Variants in ERAP1 observed in about 807,000 individuals in gnomAD.
ERAP1 encodes endoplasmic reticulum aminopeptidase 1, also known as adipocyte-derived leucine aminopeptidase.
ERAP1 carries 86 observed loss-of-function variants against 103.7 expected under a neutral mutation model. That is an observed-to-expected ratio of 0.83 (90% CI 0.70 to 0.99). ERAP1 has a LOEUF of 0.99. ERAP1 is among the 50% of genes least tolerant of loss of function. The pLI is 0.00. For missense variants in ERAP1, 1,009 were observed against 1,128.4 expected, an observed-to-expected ratio of 0.89 and a Z score of 1.52; for synonymous variants, 398 against 402.4, an observed-to-expected ratio of 0.99 and a Z score of 0.13.
chr5:96,767,506 C>A, intron 19 of ERAP1: 2 of 1,601,960 alleles, frequency 1.2e-6, no homozygotes, highest in Non-Finnish European at 1.7e-6. Context: ...GAACATATTT[C>A]CATTAAATTT....
At chr5:96,911,866 C>CAAAAAAAAAAA in the ERAP1 span, among the ~76,000 whole-genome samples, 1,746 of 54,252 alleles carry the variant, frequency 0.032, 27 homozygotes, top group Non-Finnish European at 0.046. Context: ...GACCCTGTCT[C>CAAAAAAAAAAA]AAAAAAAAAA....
chr5:96,799,420 A>C (rs1777742154), intron 3 of ERAP1, among the ~76,000 whole-genome samples: 1 of 152,202 alleles, frequency 6.6e-6, no homozygotes, highest in Admixed American at 6.5e-5. Context: ...CCAAAGGGAC[A>C]ACATTGCATT....
the ERAP1 span, among the ~76,000 whole-genome samples, chr5:96,888,511 CAGTG>C: frequency 6.6e-6 from 1 of 152,220 alleles, no homozygotes; most frequent in Non-Finnish European, 1.5e-5. Context: ...GCATTCAGCA[CAGTG>C]CCTGGTAAAC....
chr5:96,762,439 C>T lies in ERAP1; in HGVS notation c.*761G>A, dbSNP rs2290678. 812 of 1,176,556 alleles carry T rather than the reference C, an allele frequency of 6.9e-4. 8 individuals are homozygous for T. In the East Asian group the frequency reaches 0.019, roughly 28 times the overall value. The allele number at this position is 1,176,556 out of a possible 1,614,324, so 72.9% of individuals were successfully genotyped here. A position where few individuals can be genotyped will look rare whatever the true frequency, so the allele number is the denominator to read the frequency against. On this transcript the variant is annotated 3_prime_UTR_variant, in exon 20 of 20. Transcript: ENST00000296754. ...AGCCACAACTAGAAAGAAAATAGGG[C>T]GCCTGTTTAAAGCAAATGAAAATAG...
rs908715666 is a variant in ERAP1 at position 96,764,476 on chromosome 5, A to G, written c.2819-1248T>C. Among the ~76,000 whole-genome samples, 5 of 152,194 alleles carry G rather than the reference A, an allele frequency of 3.3e-5. No individual in the cohort carries two copies. The East Asian group carries it at 9.6e-4, about 29-fold the overall frequency. ...CTCCCATTTCTGCAATTTCACTTCC[A>G]TGAGCTTCCTGAAGATGAAAAGAGA... On this transcript the variant is annotated intron_variant, in intron 19 of 19. Coordinates refer to the ERAP1 transcript ENST00000296754.
the ERAP1 span, chr5:96,883,826 G>A: frequency 6.2e-7 from 1 of 1,613,088 alleles, no homozygotes; most frequent in Non-Finnish European, 8.5e-7. Flanking sequence ...GCCAACCCAG[G>A]CACGCATGGC....
the ERAP1 span, among the ~76,000 whole-genome samples, chr5:96,891,212 C>CT: frequency 1.3e-5 from 2 of 152,038 alleles, no homozygotes; most frequent in Admixed American, 6.5e-5. Flanking sequence ...AAAAAATTAT[C>CT]TTTTTTTCCA....
chr5:96,801,121 T>G, intron 2 of ERAP1, 121 bp from the exon 3 acceptor site: 2 of 1,125,844 alleles, frequency 1.8e-6, no homozygotes, highest in Middle Eastern at 2.9e-4. Flanking sequence ...CTAAAAAATA[T>G]TTCATCTGAC....
chr5:96,856,349 A>AAAAAAATATATATATATATAT, the ERAP1 span, among the ~76,000 whole-genome samples: 1 of 8,536 alleles, frequency 1.2e-4, no homozygotes. Context: ...AAAAAAAAAA[A>AAAAAAATATATATATATATAT]ATATATATAT....
At chr5:96,813,994 T>C in the ERAP1 span, 9 of 178,116 alleles carry the variant, frequency 5.1e-5, no homozygotes, top group Non-Finnish European at 1.1e-4. Context: ...TTTTATTAGT[T>C]ATCTATTATT....
chr5:96,905,551 T>C, the ERAP1 span, among the ~76,000 whole-genome samples: 1 of 152,204 alleles, frequency 6.6e-6, no homozygotes, highest in South Asian at 2.1e-4. Context: ...CTCAATACTA[T>C]AAACCACTTT....
At chr5:96,854,281 A>C in the ERAP1 span, among the ~76,000 whole-genome samples, 1 of 152,242 alleles carries the variant, frequency 6.6e-6, no homozygotes, top group African/African-American at 2.4e-5. Flanking sequence ...ATGAGACTGC[A>C]GTCAATGTTG....
the ERAP1 span, among the ~76,000 whole-genome samples, chr5:96,835,486 A>G: frequency 6.6e-6 from 1 of 152,238 alleles, no homozygotes; most frequent in Non-Finnish European, 1.5e-5. Context: ...TTTAAAAACA[A>G]CAAAGTAGAA....
At chr5:96,851,686 TGG>T in the ERAP1 span, among the ~76,000 whole-genome samples, 11 of 152,204 alleles carry the variant, frequency 7.2e-5, no homozygotes, top group Admixed American at 7.2e-4. Flanking sequence ...CTCAATTTTC[TGG>T]CACTCTCCCT....
the ERAP1 span, among the ~76,000 whole-genome samples, chr5:96,892,980 T>C: frequency 1.3e-5 from 2 of 152,094 alleles, no homozygotes; most frequent in African/African-American, 4.8e-5. Flanking sequence ...AAGTTAATAA[T>C]AGTTCTGTTT....
At chr5:96,891,296 T>A in the ERAP1 span, among the ~76,000 whole-genome samples, 2 of 151,530 alleles carry the variant, frequency 1.3e-5, no homozygotes, top group African/African-American at 2.4e-5. Context: ...CTACGTGAAA[T>A]CATTAGCAAA....
the ERAP1 span, among the ~76,000 whole-genome samples, chr5:96,921,765 T>C: frequency 8.5e-5 from 13 of 152,230 alleles, no homozygotes; most frequent in African/African-American, 3.1e-4. Flanking sequence ...TCAAAATTCA[T>C]GCCTTCCTCT....
At chr5:96,920,306 TA>T in the ERAP1 span, among the ~76,000 whole-genome samples, 2,588 of 142,894 alleles carry the variant, frequency 0.018, 20 homozygotes, top group Non-Finnish European at 0.021. Context: ...CCCTGTCATT[TA>T]AAAAAAAAAA....
the ERAP1 span, chr5:96,889,260 T>A: frequency 6.2e-7 from 1 of 1,614,042 alleles, no homozygotes; most frequent in African/African-American, 1.3e-5. Context: ...GCTACTTGAT[T>A]TTTATGAAAA....
Sources: allele counts gnomAD v4.1 joint callset (sites outside exome capture counted in the v4.1 genomes callset), GRCh38; gene constraint gnomAD v4.1.1; transcripts MANE v1.5; gene names NCBI Gene and HGNC (gene_info 2026-07-23, HGNC 2026-07-21).